The following AFTPH variants were observed in gnomAD, a reference collection of about 807,000 sequenced individuals.
The protein encoded by AFTPH is aftiphilin protein.
A neutral mutation model predicts 72.5 loss-of-function variants in AFTPH; 7 were observed. The observed-to-expected ratio is 0.10, with a 90% confidence interval of 0.05 to 0.18. The LOEUF is 0.18. Among genes scored for constraint, AFTPH ranks in the 10% least tolerant of loss-of-function variants. The pLI, the probability that AFTPH is intolerant of heterozygous loss-of-function variation, is 1.00. For missense variants in AFTPH, 979 were observed against 1,060.5 expected (o/e 0.92, Z 1.07); for synonymous variants, 337 against 370.1 (o/e 0.91, Z 1.03).
intron 2 of AFTPH, among the ~76,000 whole-genome samples, chr2:64,556,822 A>G (rs1671407926): frequency 1.3e-5 from 2 of 152,248 alleles, no homozygotes; most frequent in Admixed American, 1.3e-4. Flanking sequence ...TAAAAGCCAT[A>G]TATGAACATT....
In AFTPH at chr2:64,572,937, C is replaced by T; in HGVS notation, c.2272-9C>T. Reference sequence around the variant, plus strand: ...CCATCCCCATTAAAGGCTAATATTCCTTTTTCAGGGTATGTTAGAGCCCAC... The same window carrying T: ...CCATCCCCATTAAAGGCTAATATTCTTTTTTCAGGGTATGTTAGAGCCCAC... On this transcript the variant is annotated splice_polypyrimidine_tract_variant and intron_variant, in intron 5 of 8. Transcript: ENST00000238856. The T allele has an allele frequency of 6.2e-7, 1 of 1,613,844 alleles. No individual in the cohort carries two copies. The highest frequency in any genetic ancestry group is 2.2e-5 in the East Asian group (1 of 44,862).
At chr2:64,554,848 T>A (rs1411255760) in intron 2 of AFTPH, among the ~76,000 whole-genome samples, 2 of 152,240 alleles carry the variant, frequency 1.3e-5, no homozygotes, top group African/African-American at 4.8e-5. Flanking sequence ...AGGGTGACAC[T>A]GGTATTGGGT....
intron 1 of AFTPH, among the ~76,000 whole-genome samples, chr2:64,528,381 C>T (rs6754850): frequency 6.6e-6 from 1 of 152,076 alleles, no homozygotes; most frequent in South Asian, 2.1e-4. Context: ...GAAAAAAAAT[C>T]TGCCCTCCTA....
chr2:64,565,898 T>C (rs1487645260), intron 2 of AFTPH, among the ~76,000 whole-genome samples: 1 of 152,230 alleles, frequency 6.6e-6, no homozygotes, highest in African/African-American at 2.4e-5. Context: ...ATTTTACTGG[T>C]GTCTTGACAC....
intron 2 of AFTPH, among the ~76,000 whole-genome samples, chr2:64,556,344 A>G (rs778620441): frequency 2.6e-5 from 4 of 152,186 alleles, no homozygotes; most frequent in Non-Finnish European, 4.4e-5. Context: ...AGTTGAAATG[A>G]TTTATTTCTG....
chr2:64,551,976 T>G, exon 2 of AFTPH: 1 of 1,613,784 alleles, frequency 6.2e-7, no homozygotes, highest in Non-Finnish European at 8.5e-7. Flanking sequence ...AAACAAGCAG[T>G]TAGAGAGCTG....
chr2:64,565,562 A>G (rs1256558308), intron 2 of AFTPH, among the ~76,000 whole-genome samples: 2 of 150,374 alleles, frequency 1.3e-5, no homozygotes, highest in Admixed American at 6.6e-5. Context: ...CAATGCTGTT[A>G]GTGGATTCTG....
chr2:64,571,786 T>C (rs191267746), intron 5 of AFTPH, among the ~76,000 whole-genome samples: 1 of 152,358 alleles, frequency 6.6e-6, no homozygotes, highest in Non-Finnish European at 1.5e-5. Context: ...GATATTATTT[T>C]AAAACATGTA....
At chr2:64,540,552 T>C (rs958450699) in intron 1 of AFTPH, among the ~76,000 whole-genome samples, 9 of 152,150 alleles carry the variant, frequency 5.9e-5, no homozygotes, top group Admixed American at 5.2e-4. Flanking sequence ...ATGGGAATTT[T>C]TGAAAACCAA....
intron 3 of AFTPH, among the ~76,000 whole-genome samples, chr2:64,568,444 G>A (rs560674250): frequency 6.6e-6 from 1 of 152,090 alleles, no homozygotes; most frequent in East Asian, 1.9e-4. Flanking sequence ...GTTTCAGTCT[G>A]GGCTTACACA....
chr2:64,569,534 T>TA (rs1218415661), intron 4 of AFTPH, 89 bp from the exon 5 acceptor site: 20 of 1,417,818 alleles, frequency 1.4e-5, no homozygotes, highest in Non-Finnish European at 1.9e-5. Context: ...ATATATGTAA[T>TA]AACACATCTC....
At chr2:64,534,533 A>T (rs1220936235) in intron 1 of AFTPH, among the ~76,000 whole-genome samples, 1 of 152,096 alleles carries the variant, frequency 6.6e-6, no homozygotes, top group Admixed American at 6.6e-5. Context: ...GTGCCAGCGG[A>T]TGATAGTTTT....
At chr2:64,569,340 G>A (rs1032229863) in intron 4 of AFTPH, 122 bp downstream of exon 4, 6 of 1,328,006 alleles carry the variant, frequency 4.5e-6, no homozygotes, top group Non-Finnish European at 6.1e-6. Context: ...TGGTTTAAAT[G>A]TTCACTTATA....
chr2:64,555,123 G>A (rs1268989827), intron 2 of AFTPH, among the ~76,000 whole-genome samples: 1 of 151,884 alleles, frequency 6.6e-6, no homozygotes, highest in Non-Finnish European at 1.5e-5. Flanking sequence ...ATACAAAGAA[G>A]GTAATACCTA....
At chr2:64,591,010 G>T (rs375713639) in intron 8 of AFTPH, among the ~76,000 whole-genome samples, 1 of 152,106 alleles carries the variant, frequency 6.6e-6, no homozygotes, top group Admixed American at 6.5e-5. Flanking sequence ...AATGATTTTT[G>T]GTCTAAAGCG....
exon 2 of AFTPH, chr2:64,552,191 A>G: frequency 6.2e-7 from 1 of 1,613,956 alleles, no homozygotes; most frequent in Non-Finnish European, 8.5e-7. Flanking sequence ...CATTTTCCAA[A>G]AAGGAAAGGA....
chr2:64,565,304 C>G (rs752193745), intron 2 of AFTPH, among the ~76,000 whole-genome samples: 3 of 151,218 alleles, frequency 2.0e-5, no homozygotes, highest in Admixed American at 2.0e-4. Flanking sequence ...GGTGAAACAC[C>G]GTCTACTAAA....
At chr2:64,588,720 G>A (rs1055218300) in intron 8 of AFTPH, among the ~76,000 whole-genome samples, 3 of 152,098 alleles carry the variant, frequency 2.0e-5, no homozygotes, top group Non-Finnish European at 4.4e-5. Flanking sequence ...TATCTTCTGT[G>A]GAGAAATATC....
In AFTPH at chr2:64,575,123, A is replaced by AT. The variant is rs3836066; in HGVS notation, c.2394+2061dup. On this transcript the variant is annotated intron_variant, in intron 6 of 8. Transcript: ENST00000238856. The stretch of plus-strand genomic sequence containing the variant: ...TTGTATCAGTTAGCTGTTGCCTGTA[A>AT]TTTTTTCCTCTAGCTGATTTGATCT... Among the ~76,000 whole-genome samples the AT allele has an allele frequency of 5.1e-3, 771 of 151,930 alleles. 4 individuals carry two copies. The highest frequency in any genetic ancestry group is 8.6e-3 in the Non-Finnish European group (586 of 67,934).
Sources: allele counts gnomAD v4.1 joint callset (sites outside exome capture counted in the v4.1 genomes callset), GRCh38; gene constraint gnomAD v4.1.1; transcripts MANE v1.5; gene names NCBI Gene and HGNC (gene_info 2026-07-23, HGNC 2026-07-21).